HMCN2: variants seen among roughly 807,000 people sequenced by gnomAD.
HMCN2 encodes the protein hemicentin-2.
HMCN2 carries 325 observed loss-of-function variants against 377.5 expected under a neutral mutation model. That is an observed-to-expected ratio of 0.86 (90% CI 0.79 to 0.94). The LOEUF (loss-of-function observed/expected upper bound fraction) is 0.94. Among genes scored for constraint, HMCN2 ranks in the 40% least tolerant of loss-of-function variants. The pLI is 0.00. For synonymous variants in HMCN2, 2,007 were observed against 2,046.8 expected (o/e 0.98, Z 0.53); for missense variants, 4,543 against 4,725.3 (o/e 0.96, Z 1.13).
In HMCN2 at chr9:130,396,296, G is replaced by C. The variant is rs1206023392; in HGVS notation, c.11181G>C (p.Leu3727=). The C allele has an allele frequency of 1.6e-6, 2 of 1,273,548 alleles. No homozygotes were observed. Among genetic ancestry groups the C allele is most frequent in the Non-Finnish European group, 2.1e-6 (2 of 975,600 alleles). The allele number at this position is 1,273,548 out of a possible 1,614,324, so 78.9% of individuals were successfully genotyped here. A position where few individuals can be genotyped will look rare whatever the true frequency, so the allele number is the denominator to read the frequency against. The change falls in exon 73 of 98, where the codon CTG becomes CTC. Residue 3727 remains leucine (L), a synonymous_variant. Transcript: ENST00000683500. ...GCTGGCGGAAGGACAGGGTCCCCCTGGATCCCAGGAGCCCCAGGTGGGAGA... is the reference window on the plus strand; with the variant it reads ...GCTGGCGGAAGGACAGGGTCCCCCTCGATCCCAGGAGCCCCAGGTGGGAGA... ...LVSWRKDRVP[L]DPRSPRFEIL... is the part of the protein sequence containing the mutation.
chr9:130,407,981 G>A (rs1421076443), intron 83 of HMCN2, among the ~76,000 whole-genome samples: 3 of 152,222 alleles, frequency 2.0e-5, no homozygotes, highest in Non-Finnish European at 4.4e-5. Flanking sequence ...CTGACCAATT[G>A]CCCTACAGCA....
rs548498349 is a variant in HMCN2, at chr9:130,358,300, C to G, written c.5581-90C>G. The G allele has an allele frequency of 2.5e-5, 32 of 1,288,344 alleles. No homozygotes were observed. In the South Asian group the frequency reaches 4.0e-4, roughly 16 times the overall value. The allele number at this position is 1,288,344 out of a possible 1,614,324, so 79.8% of individuals were successfully genotyped here. On this transcript the variant is annotated intron_variant, in intron 35 of 97. Transcript: ENST00000683500. ...GTGTCCCCATGCCTCACTGCTCCTG[C>G]CCCCGGGCTCGGCAGCAGCCTGGCC...
intron 15 of HMCN2, among the ~76,000 whole-genome samples, chr9:130,312,516 C>T (rs1281815433): frequency 7.3e-5 from 1 of 13,676 alleles, no homozygotes; most frequent in African/African-American, 2.1e-4. Context: ...TCCCTCCCTC[C>T]CTCCCTCCCT....
intron 61 of HMCN2, among the ~76,000 whole-genome samples, chr9:130,386,992 C>T (rs544791600): frequency 1.3e-5 from 2 of 152,198 alleles, no homozygotes; most frequent in Admixed American, 6.5e-5. Context: ...TCCCATGGAC[C>T]GCCATGACAG....
In HMCN2 at chr9:130,419,048, G is replaced by T; in HGVS notation, c.13231+7G>T. 6.7e-7 allele frequency: 1 copy of T among 1,489,682 alleles called. No individual in the cohort carries two copies. Among genetic ancestry groups the T allele is most frequent in the Non-Finnish European group, 9.0e-7 (1 of 1,115,398 alleles). The allele number at this position is 1,489,682 out of a possible 1,614,324, so 92.3% of individuals were successfully genotyped here. A position where few individuals can be genotyped will look rare whatever the true frequency, so the allele number is the denominator to read the frequency against. Reference sequence around the variant, plus strand: ...GCGTTCCTGGTCGTGAGAGGTATGGGGCATCCCTGTCTGGACCTTCGTGGA... The same window carrying T: ...GCGTTCCTGGTCGTGAGAGGTATGGTGCATCCCTGTCTGGACCTTCGTGGA... On this transcript the variant is annotated splice_region_variant and intron_variant, in intron 86 of 97. Coordinates refer to ENST00000683500, the MANE Select transcript of HMCN2 (RefSeq NM_001291815.2).
intron 1 of HMCN2, among the ~76,000 whole-genome samples, chr9:130,273,261 C>A (rs535830690): frequency 2.1e-4 from 32 of 151,700 alleles, no homozygotes; most frequent in Admixed American, 2.1e-3. Flanking sequence ...GAAAGGAATT[C>A]ATTTCATATA....
At chr9:130,310,113 C>T (rs1250894901) in intron 15 of HMCN2, 52 bp downstream of exon 15, 3 of 467,786 alleles carry the variant, frequency 6.4e-6, no homozygotes, top group African/African-American at 4.0e-5. Flanking sequence ...TTTCCCAGCC[C>T]TCTGCCTGCT....
In HMCN2 at chr9:130,428,992, T is replaced by A. The variant is rs1588449767; in HGVS notation, c.14197+503T>A. Among the ~76,000 whole-genome samples the A allele has an allele frequency of 6.6e-6, 1 of 152,130 alleles. No homozygotes were observed. The highest frequency in any genetic ancestry group is 1.5e-5 in the Non-Finnish European group (1 of 68,026). ...CAGTCTATGGCTGTAGGACCGTGGG[T>A]CCACCCGGCTCCTCTGAGAGACTGC... On this transcript the variant is annotated intron_variant, in intron 93 of 97. Transcript: ENST00000683500. The surrounding 1 kb of genome is among the most constrained non-coding windows in gnomAD (Gnocchi z 5.0).
Position 130,428,612 on chromosome 9 carries a change from C to A in HMCN2, c.14197+123C>A. The A allele has an allele frequency of 7.5e-7, 1 of 1,325,056 alleles. No homozygotes were observed. Among genetic ancestry groups the A allele is most frequent in the Non-Finnish European group, 1.0e-6 (1 of 978,536 alleles). 82.1% of individuals were successfully genotyped at this position (1,325,056 alleles called of 1,614,324 possible). On this transcript the variant is annotated intron_variant, in intron 93 of 97. Coordinates refer to ENST00000683500, the MANE Select transcript of HMCN2 (RefSeq NM_001291815.2). This position sits in a 1 kb window ranked among gnomAD's most constrained non-coding sequence, Gnocchi z 5.0. ...CTTCCAGGAAGACTGGGACTCTTGGCAGAAGGAGTACAGCAAGGCTGGGGA... is the reference window on the plus strand; with the variant it reads ...CTTCCAGGAAGACTGGGACTCTTGGAAGAAGGAGTACAGCAAGGCTGGGGA...
intron 73 of HMCN2, 94 bp downstream of exon 73, chr9:130,396,407 T>C: frequency 5.6e-6 from 6 of 1,070,018 alleles, no homozygotes; most frequent in Non-Finnish European, 7.3e-6. Flanking sequence ...AGCAGAAAAG[T>C]GACTTTATCA....
chr9:130,354,571 C>G (rs752835775), intron 31 of HMCN2, among the ~76,000 whole-genome samples, 192 bp from the exon 32 acceptor site: 1 of 152,114 alleles, frequency 6.6e-6, no homozygotes, highest in Admixed American at 6.5e-5. Flanking sequence ...TGGGGTGGCG[C>G]GCCCAGGGGC....
chr9:130,283,761 T>C (rs1835266992), intron 1 of HMCN2, among the ~76,000 whole-genome samples: 1 of 152,232 alleles, frequency 6.6e-6, no homozygotes, highest in Non-Finnish European at 1.5e-5. Flanking sequence ...TCCTGTCTTA[T>C]TGCTGAGGAC....
At position 130,433,418 on chromosome 9, in the gene HMCN2, C is replaced by T. The variant is rs1398613496; in HGVS notation, c.14965C>T (p.Pro4989Ser). The change falls in exon 98 of 98, where the codon CCG (proline) becomes TCG (serine). Residue 4989 changes from proline (P) to serine (S), a missense_variant. Around this residue, in one of 5 missense-constraint regions of HMCN2, gnomAD observed 1,155 missense variants for 1,157.7 expected, o/e 1.00. Coordinates refer to ENST00000683500, the MANE Select transcript of HMCN2 (RefSeq NM_001291815.2). ...GPSTLQYRLL[P>S]LPLGVRAHHD... ...CTCTACGCTGCAGTACCGGCTGCTGCCGCTGCCCCTGGGCGTGCGCGCCCA... is the reference window on the plus strand; with the variant it reads ...CTCTACGCTGCAGTACCGGCTGCTGTCGCTGCCCCTGGGCGTGCGCGCCCA... 1 of 1,492,810 alleles carries T rather than the reference C, an allele frequency of 6.7e-7. No homozygotes were observed. Among genetic ancestry groups the T allele is most frequent in the Non-Finnish European group, 8.9e-7 (1 of 1,129,536 alleles). The allele number at this position is 1,492,810 out of a possible 1,614,324, so 92.5% of individuals were successfully genotyped here.
chr9:130,321,399 C>A (rs961897956), intron 18 of HMCN2, among the ~76,000 whole-genome samples: 58 of 152,316 alleles, frequency 3.8e-4, no homozygotes, highest in Non-Finnish European at 7.6e-4. Context: ...TACCTCTTCC[C>A]TTTCCTCAAT....
chr9:130,423,653 G>A lies in HMCN2; in HGVS notation c.13381+927G>A, dbSNP rs140812124. ...CTGTGAACCTTGCAAAGCTGGCACC[G>A]TCCCTGACTCAGAGCAAGTGGGGAG... is the stretch of plus-strand genomic sequence containing the variant. On this transcript the variant is annotated intron_variant, in intron 87 of 97. Transcript: ENST00000683500. The surrounding 1 kb of genome is among the most constrained non-coding windows in gnomAD (Gnocchi z 5.5). 4.9e-4 allele frequency among the ~76,000 whole-genome samples: 75 copies of A among 152,322 alleles called. No homozygotes were observed. The highest frequency in any genetic ancestry group is 1.7e-3 in the African/African-American group (70 of 41,576).
rs781757319 is a variant in HMCN2, at chr9:130,408,890, G to A, written c.12836G>A (p.Arg4279Gln). 22 of 1,289,612 alleles carry A rather than the reference G, an allele frequency of 1.7e-5. No homozygotes were observed. Among genetic ancestry groups the A allele is most frequent in the South Asian group, 1.2e-4 (10 of 81,036 alleles). 79.9% of individuals were successfully genotyped at this position (1,289,612 alleles called of 1,614,324 possible). A position where few individuals can be genotyped will look rare whatever the true frequency, so the allele number is the denominator to read the frequency against. Residue 4279 changes from arginine to glutamine, a missense_variant, in exon 84 of 98, where the codon CGG (arginine) becomes CAG (glutamine). Around this residue, in one of 5 missense-constraint regions of HMCN2, gnomAD observed 1,155 missense variants for 1,157.7 expected, o/e 1.00. Transcript: ENST00000683500. The part of the protein sequence containing the change: ...DGLPLRGSHL[R>Q]HQLQNGSLTI... Reference sequence around the variant, plus strand: ...CTTCCACTGCGGGGCAGCCACCTCCGGCACCAGCTGCAGAATGGCTCGCTG... The same window carrying A: ...CTTCCACTGCGGGGCAGCCACCTCCAGCACCAGCTGCAGAATGGCTCGCTG...
intron 1 of HMCN2, among the ~76,000 whole-genome samples, chr9:130,283,005 A>G (rs1835209453): frequency 6.6e-6 from 1 of 152,196 alleles, no homozygotes. Context: ...TGGGAGGTGG[A>G]GGTTGCAGTG....
At position 130,418,989 on chromosome 9, in the gene HMCN2, C is replaced by T. The variant is rs113658145; in HGVS notation, c.13179C>T (p.Val4393=). Residue 4393 remains valine (V), a synonymous_variant, in exon 86 of 98, where the codon GTC becomes GTT. Coordinates refer to ENST00000683500, the MANE Select transcript of HMCN2 (RefSeq NM_001291815.2). ...ETGDAGTYDC[V]AHNLLGSATA... ...GGGATGCAGGCACCTACGACTGCGT[C>T]GCTCACAACCTCCTGGGCTCTGCCA... 2.1e-4 allele frequency: 319 copies of T among 1,507,032 alleles called. No individual in the cohort carries two copies. Among genetic ancestry groups the T allele is most frequent in the South Asian group, 1.5e-3 (116 of 78,178 alleles). The allele number at this position is 1,507,032 out of a possible 1,614,324, so 93.4% of individuals were successfully genotyped here.
chr9:130,395,605 A>G (rs182861535), intron 71 of HMCN2, among the ~76,000 whole-genome samples: 77 of 152,288 alleles, frequency 5.1e-4, no homozygotes, highest in Middle Eastern at 3.4e-3. Context: ...CCTTCAAGCT[A>G]TGCTTAGCAG....
Sources: gnomAD v4.1 joint callset for allele counts (sites outside exome capture counted in the v4.1 genomes callset) on GRCh38, gnomAD v4.1.1 for gene constraint, gnomAD v4.1.1 regional missense constraint, Gnocchi (gnomAD v3.1) non-coding constraint, MANE v1.5 for transcripts, NCBI Gene and HGNC (gene_info 2026-07-23, HGNC 2026-07-21) for gene names.